The following ROBO2 variants were observed in gnomAD, a reference collection of about 807,000 sequenced individuals.
ROBO2 encodes the protein roundabout guidance receptor 2.
ROBO2 carries 53 observed loss-of-function variants against 160.8 expected under a neutral mutation model. That is an observed-to-expected ratio of 0.33 (90% CI 0.26 to 0.41). ROBO2 has a LOEUF of 0.41. ROBO2 is among the 10% of genes least tolerant of loss of function. The pLI is 1.00. For synonymous variants in ROBO2, 664 were observed against 611.7 expected (o/e 1.09, Z -1.26); for missense variants, 1,577 against 1,722.4 (o/e 0.92, Z 1.49).
rs527893798 is a variant in ROBO2, at chr3:76,935,576, T to C, written c.110-162438T>C. Among the ~76,000 whole-genome samples, 10 of 150,932 alleles carry C rather than the reference T, an allele frequency of 6.6e-5. 1 individual carries two copies. In the East Asian group the frequency reaches 2.0e-3, roughly 30 times the overall value. ...CAGAATACAATAGACTGGGTAGCTATGTATGTAAACAACAAACATTTATTT... is the reference window on the plus strand; with the variant it reads ...CAGAATACAATAGACTGGGTAGCTACGTATGTAAACAACAAACATTTATTT... On this transcript the variant is annotated intron_variant, in intron 2 of 26. Coordinates refer to the ROBO2 transcript ENST00000487694.
intron 2 of ROBO2, among the ~76,000 whole-genome samples, chr3:77,324,432 A>G (rs375606748): frequency 1.3e-5 from 2 of 152,276 alleles, no homozygotes; most frequent in East Asian, 3.9e-4. Flanking sequence ...TCGAGTATAA[A>G]AGTAGACCCG....
intron 2 of ROBO2, among the ~76,000 whole-genome samples, chr3:76,387,299 A>G (rs187074976): frequency 2.3e-3 from 356 of 152,298 alleles, no homozygotes; most frequent in Non-Finnish European, 4.1e-3. Context: ...TTCAAATCAT[A>G]ACAGAAGGTC....
chr3:76,261,990 TA>T (rs1288060209), intron 2 of ROBO2, among the ~76,000 whole-genome samples: 2 of 152,124 alleles, frequency 1.3e-5, no homozygotes, highest in African/African-American at 4.8e-5. Flanking sequence ...TTTTAGAAAT[TA>T]TTTTTATTTA....
intron 2 of ROBO2, among the ~76,000 whole-genome samples, chr3:77,179,336 A>C (rs1197989659): frequency 6.6e-6 from 1 of 152,040 alleles, no homozygotes; most frequent in Non-Finnish European, 1.5e-5. Context: ...GTTAAATTGA[A>C]GACTCATGTA....
intron 2 of ROBO2, among the ~76,000 whole-genome samples, chr3:76,371,236 T>C (rs1195900754): frequency 6.6e-6 from 1 of 152,022 alleles, no homozygotes; most frequent in Admixed American, 6.6e-5. Context: ...AGATGATTTA[T>C]TCCTATCTGT....
At chr3:76,380,369 G>T (rs1432300529) in intron 2 of ROBO2, among the ~76,000 whole-genome samples, 2 of 152,008 alleles carry the variant, frequency 1.3e-5, no homozygotes, top group African/African-American at 4.8e-5. Flanking sequence ...AATAAAATTT[G>T]GTCTTGATCT....
chr3:76,576,536 T>C (rs2085299676), intron 2 of ROBO2, among the ~76,000 whole-genome samples: 1 of 152,146 alleles, frequency 6.6e-6, no homozygotes. Flanking sequence ...ACTATTGGTA[T>C]AATCACAAAT....
chr3:77,120,994 G>T (rs888234696), intron 2 of ROBO2, among the ~76,000 whole-genome samples: 2 of 151,840 alleles, frequency 1.3e-5, no homozygotes, highest in African/African-American at 4.8e-5. Flanking sequence ...ACCCAGGCTG[G>T]AGTACTGTGG....
chr3:76,437,729 C>G (rs1414469965), intron 2 of ROBO2, among the ~76,000 whole-genome samples: 4 of 152,086 alleles, frequency 2.6e-5, no homozygotes, highest in Non-Finnish European at 4.4e-5. Flanking sequence ...TTGTGCTGTA[C>G]TCAAGTGAAT....
chr3:77,504,768 G>A (rs1358559915), intron 5 of ROBO2, among the ~76,000 whole-genome samples: 2 of 152,138 alleles, frequency 1.3e-5, no homozygotes, highest in Non-Finnish European at 2.9e-5. Context: ...TTGTTCTCAA[G>A]GATTTTAGTA....
chr3:76,521,172 C>T (rs2081596329), intron 2 of ROBO2, among the ~76,000 whole-genome samples: 2 of 151,352 alleles, frequency 1.3e-5, no homozygotes, highest in South Asian at 4.2e-4. Context: ...CCTCAGCCTA[C>T]CAAGTAGTTG....
At chr3:77,025,608 C>A (rs976218497) in intron 2 of ROBO2, among the ~76,000 whole-genome samples, 2 of 152,066 alleles carry the variant, frequency 1.3e-5, no homozygotes, top group Admixed American at 1.3e-4. Flanking sequence ...TTTTGAAATG[C>A]AAACAACCTC....
intron 2 of ROBO2, among the ~76,000 whole-genome samples, chr3:76,147,084 TAACA>T (rs906339016): frequency 1.5e-4 from 23 of 150,630 alleles, no homozygotes; most frequent in African/African-American, 5.6e-4. Flanking sequence ...TTTACCCTAA[TAACA>T]AACCTGCACA....
chr3:77,098,585 C>T (rs934288971), intron 2 of ROBO2, among the ~76,000 whole-genome samples: 1 of 152,088 alleles, frequency 6.6e-6, no homozygotes, highest in African/African-American at 2.4e-5. Flanking sequence ...CGGTGGCTCA[C>T]GCCTGTAATC....
At chr3:76,086,726 C>G (rs1450684104) in intron 2 of ROBO2, among the ~76,000 whole-genome samples, 2 of 152,032 alleles carry the variant, frequency 1.3e-5, no homozygotes, top group South Asian at 2.1e-4. Flanking sequence ...TGGCAAGAAA[C>G]TTGGAATTAT....
intron 2 of ROBO2, among the ~76,000 whole-genome samples, chr3:76,297,805 A>C (rs927844484): frequency 5.9e-5 from 9 of 152,038 alleles, no homozygotes; most frequent in African/African-American, 2.2e-4. Context: ...CAAATGAAGA[A>C]GTGTGTTTAG....
At chr3:76,097,877 T>G (rs2069520027) in intron 2 of ROBO2, among the ~76,000 whole-genome samples, 1 of 152,126 alleles carries the variant, frequency 6.6e-6, no homozygotes, top group Non-Finnish European at 1.5e-5. Context: ...ATATGAAAAA[T>G]GTGACATCTT....
chr3:76,304,553 T>G (rs1267510432), intron 2 of ROBO2, among the ~76,000 whole-genome samples: 1 of 152,222 alleles, frequency 6.6e-6, no homozygotes, highest in African/African-American at 2.4e-5. Context: ...GATGGCTTGT[T>G]GATGGAGTAT....
chr3:77,141,052 T>C (rs1049527153), intron 2 of ROBO2, among the ~76,000 whole-genome samples: 10 of 152,166 alleles, frequency 6.6e-5, no homozygotes, highest in African/African-American at 1.7e-4. Context: ...AACATTACTT[T>C]CCAAGAAAGT....
Sources: allele counts gnomAD v4.1 joint callset (sites outside exome capture counted in the v4.1 genomes callset), GRCh38; gene constraint gnomAD v4.1.1; transcripts MANE v1.5; gene names NCBI Gene and HGNC (gene_info 2026-07-23, HGNC 2026-07-21).